Variants in SLC35F4 observed in about 807,000 individuals in gnomAD.
SLC35F4 encodes solute carrier family 35 member F4.
Under a neutral mutation model 44.2 loss-of-function variants are expected in SLC35F4, and 24 were observed. The observed-to-expected ratio is 0.54, with a 90% CI of 0.39 to 0.76. The LOEUF is 0.76. Ranked by LOEUF, SLC35F4 falls within the 30% of genes least tolerant of loss-of-function variation. The probability of loss-of-function intolerance (pLI) is 0.00; values close to 1 mark genes in which losing one functional copy is unlikely to be tolerated. For synonymous variants in SLC35F4, 238 were observed against 223.6 expected (o/e 1.06, Z -0.57); for missense variants, 562 against 586.1 (o/e 0.96, Z 0.42).
intron 1 of SLC35F4, among the ~76,000 whole-genome samples, chr14:57,927,692 T>C (rs982076070): frequency 6.6e-6 from 1 of 152,016 alleles, no homozygotes; most frequent in Non-Finnish European, 1.5e-5. Context: ...GGTTTCACCA[T>C]GATGGCCAGG....
At chr14:57,594,556 A>G (rs1166896533) in intron 1 of SLC35F4, among the ~76,000 whole-genome samples, 1 of 152,218 alleles carries the variant, frequency 6.6e-6, no homozygotes, top group African/African-American at 2.4e-5. Context: ...TTTTAGATAA[A>G]TCTATTCACT....
intron 1 of SLC35F4, among the ~76,000 whole-genome samples, chr14:57,654,884 G>A (rs919125677): frequency 1.2e-4 from 18 of 152,152 alleles, no homozygotes; most frequent in South Asian, 8.3e-4. Context: ...GGTAAAGAAG[G>A]GGTTGCTTCT....
chr14:57,682,598 T>C (rs920450417), intron 1 of SLC35F4, among the ~76,000 whole-genome samples: 1 of 150,800 alleles, frequency 6.6e-6, no homozygotes, highest in Admixed American at 6.6e-5. Context: ...GCAATAAACA[T>C]GCACGTTCTG....
intron 1 of SLC35F4, among the ~76,000 whole-genome samples, chr14:57,603,232 T>C (rs2070935271): frequency 6.6e-6 from 1 of 152,266 alleles, no homozygotes; most frequent in Admixed American, 6.5e-5. Context: ...GTGATAGTCC[T>C]GATCTTTAAA....
In SLC35F4 at chr14:57,593,927, T is replaced by C; in HGVS notation, c.289+12A>G. ...GGATGTACCGTTATTTAAGAGGAGG[T>C]CACCCACATACCTGATCTGTTCTGT... On this transcript the variant is annotated intron_variant, in intron 2 of 7. Coordinates refer to ENST00000556826, the MANE Select transcript of SLC35F4 (RefSeq NM_001306087.2). 1 of 1,611,928 alleles carries C rather than the reference T, an allele frequency of 6.2e-7. No homozygotes were observed. Among genetic ancestry groups the C allele is most frequent in the South Asian group, 1.1e-5 (1 of 90,726 alleles).
At chr14:57,862,079 C>A (rs1374932374) in intron 1 of SLC35F4, among the ~76,000 whole-genome samples, 1 of 152,136 alleles carries the variant, frequency 6.6e-6, no homozygotes, top group African/African-American at 2.4e-5. Context: ...CCACCCCCCA[C>A]CCCTTTCCAA....
intron 1 of SLC35F4, among the ~76,000 whole-genome samples, chr14:57,819,408 C>CAAATA (rs1566879943): frequency 1.3e-5 from 2 of 151,860 alleles, no homozygotes; most frequent in African/African-American, 4.8e-5. Context: ...CTAATACAAA[C>CAAATA]AAAAACTTCA....
intron 6 of SLC35F4, among the ~76,000 whole-genome samples, chr14:57,568,560 C>T (rs2068320599): frequency 6.6e-6 from 1 of 152,146 alleles, no homozygotes; most frequent in African/African-American, 2.4e-5. Context: ...AAAAGTAGAA[C>T]TCAAGGGACC....
chr14:57,891,751 C>G (rs1888769118), intron 1 of SLC35F4, among the ~76,000 whole-genome samples: 1 of 152,040 alleles, frequency 6.6e-6, no homozygotes, highest in East Asian at 1.9e-4. Context: ...TGGCATGCAC[C>G]TGTAGTCCCA....
intron 1 of SLC35F4, among the ~76,000 whole-genome samples, chr14:57,666,922 A>G (rs1865148631): frequency 6.6e-6 from 1 of 152,164 alleles, no homozygotes; most frequent in South Asian, 2.1e-4. Flanking sequence ...ACTACAAACA[A>G]GAAACTACAA....
chr14:57,860,000 T>A (rs1368434821), intron 1 of SLC35F4, among the ~76,000 whole-genome samples: 1 of 152,080 alleles, frequency 6.6e-6, no homozygotes, highest in African/African-American at 2.4e-5. Context: ...AGGTGTGGGT[T>A]CAGAAAAAGT....
intron 1 of SLC35F4, among the ~76,000 whole-genome samples, chr14:57,807,479 G>A (rs535218188): frequency 2.1e-4 from 32 of 152,074 alleles, no homozygotes; most frequent in Middle Eastern, 6.8e-3. Flanking sequence ...AACTTGTTCA[G>A]AAACCAAGCC....
rs147556192 is a variant in SLC35F4, at chr14:57,692,966, C to T, written c.104-98842G>A. Among the ~76,000 whole-genome samples, 1,004 of 152,262 alleles carry T rather than the reference C, an allele frequency of 6.6e-3. 13 individuals are homozygous for T. Among genetic ancestry groups the T allele is most frequent in the African/African-American group, 0.022 (920 of 41,568 alleles). On this transcript the variant is annotated intron_variant, in intron 1 of 7. Coordinates refer to ENST00000556826, the MANE Select transcript of SLC35F4 (RefSeq NM_001306087.2). Reference sequence around the variant, plus strand: ...CCATCACCTACACAACTGTATCACACAATTTTTATAAATACCTATTTGAAT... The same window carrying T: ...CCATCACCTACACAACTGTATCACATAATTTTTATAAATACCTATTTGAAT...
chr14:57,748,745 T>C (rs1246760413), intron 1 of SLC35F4, among the ~76,000 whole-genome samples: 1 of 152,140 alleles, frequency 6.6e-6, no homozygotes, highest in African/African-American at 2.4e-5. Context: ...ATAATGAATC[T>C]AGTCCAAGCT....
rs1225603404 is a variant in SLC35F4, at chr14:57,841,442, C to T, written c.103+24281G>A. ...TGTGGAAGTGGGTTAAGTGGAAATC[C>T]AACTTTTTCTTAGAAAGCCCAAACT... On this transcript the variant is annotated intron_variant, in intron 1 of 7. Transcript: ENST00000556826. Among the ~76,000 whole-genome samples the T allele has an allele frequency of 5.3e-5, 8 of 151,764 alleles. No individual in the cohort carries two copies. In the East Asian group the frequency reaches 1.6e-3, roughly 30 times the overall value.
intron 1 of SLC35F4, among the ~76,000 whole-genome samples, chr14:57,881,383 T>C (rs1203458952): frequency 2.0e-5 from 3 of 152,196 alleles, no homozygotes; most frequent in Non-Finnish European, 4.4e-5. Context: ...GAAACAAAAG[T>C]CAGAAGCAAC....
intron 1 of SLC35F4, among the ~76,000 whole-genome samples, chr14:57,852,101 G>A (rs1055826877): frequency 1.3e-5 from 2 of 152,142 alleles, no homozygotes; most frequent in African/African-American, 2.4e-5. Flanking sequence ...AATCTAATGG[G>A]CAGAAAAGCA....
chr14:57,672,862 T>C (rs1167177466), intron 1 of SLC35F4, among the ~76,000 whole-genome samples: 2 of 152,084 alleles, frequency 1.3e-5, no homozygotes, highest in Non-Finnish European at 2.9e-5. Context: ...AATCCTTTCA[T>C]GTGAAACAGA....
rs546223578 is a variant in SLC35F4 at position 57,950,807 on chromosome 14, T to C, written n.282+31106A>G. On this transcript the variant is annotated intron_variant and non_coding_transcript_variant, in intron 1 of 1. Transcript: ENST00000556568. ...CCTCAGCCTCCTGAATAGCTGGGAC[T>C]ACAGGTGCCTGCCACCACGCCAGGC... 2.0e-5 allele frequency among the ~76,000 whole-genome samples: 3 copies of C among 152,090 alleles called. No homozygotes were observed. In the South Asian group the frequency reaches 6.2e-4, roughly 32 times the overall value.
Sources: allele counts gnomAD v4.1 joint callset (sites outside exome capture counted in the v4.1 genomes callset), GRCh38; gene constraint gnomAD v4.1.1; transcripts MANE v1.5; gene names NCBI Gene and HGNC (gene_info 2026-07-23, HGNC 2026-07-21).